The following MBD5 variants were observed in gnomAD, a reference collection of about 807,000 sequenced individuals.
The protein encoded by MBD5 is methyl-CpG-binding domain protein 5.
Under a neutral mutation model 117.3 loss-of-function variants are expected in MBD5, and 13 were observed. The observed-to-expected ratio is 0.11, with a 90% CI of 0.07 to 0.18. The LOEUF is 0.18. Ranked by LOEUF, MBD5 falls within the 10% of genes least tolerant of loss-of-function variation. The pLI is 1.00. For synonymous variants in MBD5, 727 were observed against 766.4 expected, an observed-to-expected ratio of 0.95 and a Z score of 0.85; for missense variants, 1,879 against 2,093.8, an observed-to-expected ratio of 0.90 and a Z score of 2.00.
At chr2:148,118,564 G>A (rs1241158066) in intron 1 of MBD5, among the ~76,000 whole-genome samples, 1 of 151,466 alleles carries the variant, frequency 6.6e-6, no homozygotes, top group Non-Finnish European at 1.5e-5. Flanking sequence ...AGCTATGACT[G>A]TGGCTCTACA....
chr2:148,381,203 G>A (rs1407575315), intron 4 of MBD5, among the ~76,000 whole-genome samples: 1 of 152,056 alleles, frequency 6.6e-6, no homozygotes, highest in Non-Finnish European at 1.5e-5. Context: ...CAATGGCAAA[G>A]AAGTTAAAAA....
chr2:148,369,271 G>A (rs1703788525), intron 4 of MBD5, among the ~76,000 whole-genome samples: 1 of 151,878 alleles, frequency 6.6e-6, no homozygotes, highest in Non-Finnish European at 1.5e-5. Flanking sequence ...TAAATGTCAT[G>A]TGATAATTGA....
intron 1 of MBD5, among the ~76,000 whole-genome samples, chr2:148,082,376 A>G (rs771666675): frequency 6.6e-6 from 1 of 152,130 alleles, no homozygotes; most frequent in Non-Finnish European, 1.5e-5. Context: ...TTTGACTGTA[A>G]CAGGTTCTCT....
rs184386583 is a variant in MBD5 at position 148,439,134 on chromosome 2, A to G, written c.-556-19069A>G. Among the ~76,000 whole-genome samples the G allele has an allele frequency of 8.5e-5, 13 of 152,292 alleles. No individual in the cohort carries two copies. The East Asian group carries it at 2.3e-3, about 27-fold the overall frequency. ...CCAACTATCTGACGTACAAGTGAAA[A>G]TCACTAATCCCTTCCTCAGAAGTTG... On this transcript the variant is annotated intron_variant, in intron 4 of 13. Coordinates refer to ENST00000642680, the MANE Select transcript of MBD5 (RefSeq NM_001378120.1).
intron 1 of MBD5, among the ~76,000 whole-genome samples, chr2:148,044,083 T>G (rs12995413): frequency 6.6e-6 from 1 of 152,008 alleles, no homozygotes; most frequent in African/African-American, 2.4e-5. Context: ...AGAGTCATCT[T>G]TATATCTGAA....
intron 1 of MBD5, among the ~76,000 whole-genome samples, chr2:148,076,862 C>A (rs1039797714): frequency 6.6e-6 from 1 of 152,190 alleles, no homozygotes; most frequent in Non-Finnish European, 1.5e-5. Context: ...TTCTCATAGT[C>A]TAGTAGAGGC....
intron 3 of MBD5, among the ~76,000 whole-genome samples, chr2:148,338,545 C>T (rs1370163797): frequency 6.6e-6 from 1 of 152,122 alleles, no homozygotes; most frequent in African/African-American, 2.4e-5. Flanking sequence ...GAGGAAGATA[C>T]CTGTCCTCTC....
chr2:148,421,152 C>G (rs1342316020), intron 4 of MBD5, among the ~76,000 whole-genome samples: 2 of 152,192 alleles, frequency 1.3e-5, no homozygotes, highest in African/African-American at 4.8e-5. Context: ...TGAACAGGAA[C>G]AGCTCCGGTC....
intron 3 of MBD5, among the ~76,000 whole-genome samples, chr2:148,341,610 G>A (rs1702948528): frequency 6.6e-6 from 1 of 151,890 alleles, no homozygotes; most frequent in South Asian, 2.1e-4. Flanking sequence ...TAAAAGGTTT[G>A]GAGTTTATTT....
At chr2:148,269,668 G>GTTTTTT (rs11316954) in intron 3 of MBD5, among the ~76,000 whole-genome samples, 1 of 125,832 alleles carries the variant, frequency 7.9e-6, no homozygotes, top group African/African-American at 3.0e-5. Flanking sequence ...AGTTTTTTTA[G>GTTTTTT]TTTTTTTTTT....
chr2:148,336,462 C>T (rs181920962), intron 3 of MBD5, among the ~76,000 whole-genome samples: 35 of 152,184 alleles, frequency 2.3e-4, no homozygotes, highest in African/African-American at 6.8e-4. Flanking sequence ...TTCTGGCTCG[C>T]TGCAACCTCC....
intron 12 of MBD5, among the ~76,000 whole-genome samples, chr2:148,508,968 T>C (rs565541560): frequency 6.6e-6 from 1 of 152,298 alleles, no homozygotes; most frequent in Non-Finnish European, 1.5e-5. Flanking sequence ...TAGGGAAAGC[T>C]ATGGTAAACT....
intron 3 of MBD5, among the ~76,000 whole-genome samples, chr2:148,321,570 CT>C (rs1702283043): frequency 6.6e-6 from 1 of 152,144 alleles, no homozygotes; most frequent in Non-Finnish European, 1.5e-5. Context: ...TGAAAAACAT[CT>C]AGACTAACCT....
At chr2:148,474,418 A>C (rs376750974) in intron 8 of MBD5, among the ~76,000 whole-genome samples, 1 of 152,194 alleles carries the variant, frequency 6.6e-6, no homozygotes, top group Non-Finnish European at 1.5e-5. Flanking sequence ...TTATTCTGCC[A>C]ACATGCTTAT....
At chr2:148,113,321 C>A (rs1241059280) in intron 1 of MBD5, among the ~76,000 whole-genome samples, 1 of 152,108 alleles carries the variant, frequency 6.6e-6, no homozygotes, top group Admixed American at 6.5e-5. Flanking sequence ...ACATTAGGTG[C>A]ATTGTGTTTC....
chr2:148,271,135 C>T (rs927095892), intron 3 of MBD5, among the ~76,000 whole-genome samples: 6 of 152,102 alleles, frequency 3.9e-5, no homozygotes, highest in African/African-American at 1.4e-4. Context: ...TCAGTTTCCT[C>T]TTTGGAGAAA....
intron 3 of MBD5, among the ~76,000 whole-genome samples, chr2:148,308,255 CCA>C (rs1701941266): frequency 1.3e-5 from 2 of 152,140 alleles, no homozygotes; most frequent in African/African-American, 4.8e-5. Context: ...TACCCTCCCA[CCA>C]CAGTGTAAAA....
At chr2:148,417,035 C>T (rs1009766704) in intron 4 of MBD5, among the ~76,000 whole-genome samples, 5 of 152,136 alleles carry the variant, frequency 3.3e-5, no homozygotes, top group East Asian at 3.8e-4. Context: ...ATCCACTCAT[C>T]GGTTGATGAA....
chr2:148,375,962 A>G (rs1231154371), intron 4 of MBD5, among the ~76,000 whole-genome samples: 1 of 151,758 alleles, frequency 6.6e-6, no homozygotes, highest in East Asian at 1.9e-4. Context: ...CCTTAGCACT[A>G]TTGACATTTT....
Sources: gnomAD v4.1 joint callset for allele counts (sites outside exome capture counted in the v4.1 genomes callset) on GRCh38, gnomAD v4.1.1 for gene constraint, MANE v1.5 for transcripts, NCBI Gene and HGNC (gene_info 2026-07-23, HGNC 2026-07-21) for gene names.